The following BLK variants were observed in gnomAD, a reference collection of about 807,000 sequenced individuals.
BLK encodes the protein BLK proto-oncogene, Src family tyrosine kinase.
Under a neutral mutation model 61.8 loss-of-function variants are expected in BLK, and 64 were observed. The observed-to-expected ratio is 1.03, with a 90% CI of 0.85 to 1.27. BLK has a LOEUF of 1.27. Ranked by LOEUF, BLK falls within the 50% of genes most tolerant of loss-of-function variation. BLK has a pLI of 0.00. For synonymous variants in BLK, 351 were observed against 272.0 expected (o/e 1.29, Z -2.86); for missense variants, 853 against 660.5 (o/e 1.29, Z -3.19).
At chr8:11,498,366 G>A (rs1048712753) in intron 1 of BLK, among the ~76,000 whole-genome samples, 1 of 152,184 alleles carries the variant, frequency 6.6e-6, no homozygotes, top group Non-Finnish European at 1.5e-5. Context: ...GTTTCCTGGT[G>A]CTCTGAGCTC....
chr8:11,531,929 G>A (rs947394880), intron 1 of BLK, among the ~76,000 whole-genome samples: 2 of 152,102 alleles, frequency 1.3e-5, no homozygotes, highest in Non-Finnish European at 2.9e-5. Context: ...CACCATCTCG[G>A]CTCACTGCAA....
chr8:11,561,127 G>A (rs1257687243), intron 10 of BLK, 175 bp from the exon 11 acceptor site: 2 of 928,342 alleles, frequency 2.2e-6, no homozygotes. Flanking sequence ...TGCTGTTCTG[G>A]GCTTCTAGGA....
intron 1 of BLK, among the ~76,000 whole-genome samples, chr8:11,517,845 C>G (rs1204691510): frequency 6.6e-6 from 1 of 152,220 alleles, no homozygotes; most frequent in Non-Finnish European, 1.5e-5. Flanking sequence ...ACAGCTTGAA[C>G]CTGAGTCAAG....
At chr8:11,553,393 T>C (rs1170010886) in intron 6 of BLK, 1 of 451,564 alleles carries the variant, frequency 2.2e-6, no homozygotes, top group Non-Finnish European at 4.5e-6. Flanking sequence ...ATCCAGGTTT[T>C]GTGAAACTGA....
At chr8:11,514,736 A>G (rs1399939172) in intron 1 of BLK, among the ~76,000 whole-genome samples, 1 of 152,322 alleles carries the variant, frequency 6.6e-6, no homozygotes, top group Admixed American at 6.5e-5. Context: ...GGGCAACTAC[A>G]GGCTTAGGAG....
intron 1 of BLK, among the ~76,000 whole-genome samples, chr8:11,523,905 C>G (rs1355953152): frequency 6.6e-6 from 1 of 151,334 alleles, no homozygotes; most frequent in Non-Finnish European, 1.5e-5. Flanking sequence ...TCCTTCATCA[C>G]GGTGAGAATG....
intron 11 of BLK, among the ~76,000 whole-genome samples, chr8:11,561,894 C>G (rs1173689179): frequency 6.6e-6 from 1 of 151,802 alleles, no homozygotes; most frequent in Non-Finnish European, 1.5e-5. Context: ...TCTTGGCTCA[C>G]TGCAACCTCC....
At position 11,508,630 on chromosome 8, in the gene BLK, G is replaced by T. The variant is rs79666330; in HGVS notation, c.-2+14039G>T. 9.1e-3 allele frequency among the ~76,000 whole-genome samples: 1,391 copies of T among 152,318 alleles called. 9 individuals are homozygous for T. The highest frequency in any genetic ancestry group is 0.044 in the Middle Eastern group (13 of 294). ...CTCTCCCGCATTCCCTCTGCCTTCG[G>T]GTCTCCTGGAATTGGAACTGTCACT... On this transcript the variant is annotated intron_variant, in intron 1 of 12. Transcript: ENST00000259089.
At chr8:11,528,347 T>G (rs1345471179) in intron 1 of BLK, among the ~76,000 whole-genome samples, 1 of 152,252 alleles carries the variant, frequency 6.6e-6, no homozygotes, top group East Asian at 1.9e-4. Context: ...TCATTCTTGC[T>G]TTTAAGTTAA....
chr8:11,504,412 A>AAAAGAAAAGAAAAGAAAAGAAAGG (rs149656194), intron 1 of BLK, among the ~76,000 whole-genome samples: 1 of 140,870 alleles, frequency 7.1e-6, no homozygotes, highest in African/African-American at 2.8e-5. Context: ...AAAAGAAAAG[A>AAAAGAAAAGAAAAGAAAAGAAAGG]AAAAAAAAAG....
At chr8:11,512,046 G>C (rs1056080962) in intron 1 of BLK, among the ~76,000 whole-genome samples, 2 of 152,184 alleles carry the variant, frequency 1.3e-5, no homozygotes, top group African/African-American at 4.8e-5. Context: ...GTATCAAGTG[G>C]TAAGATGGGG....
chr8:11,497,262 C>A (rs1464051527), intron 1 of BLK, among the ~76,000 whole-genome samples: 1 of 152,166 alleles, frequency 6.6e-6, no homozygotes, highest in Admixed American at 6.5e-5. Context: ...CCTGCAGTGC[C>A]TTTCCTGTCA....
At chr8:11,499,034 G>C (rs1247637967) in intron 1 of BLK, among the ~76,000 whole-genome samples, 2 of 152,212 alleles carry the variant, frequency 1.3e-5, no homozygotes, top group African/African-American at 4.8e-5. Flanking sequence ...AAAAGAGAAA[G>C]TAAATTTAGT....
chr8:11,539,346 C>T (rs1317609768), intron 1 of BLK, among the ~76,000 whole-genome samples: 1 of 152,026 alleles, frequency 6.6e-6, no homozygotes, highest in Non-Finnish European at 1.5e-5. Context: ...AGATCCAGCA[C>T]ATTTTTTTTA....
chr8:11,543,304 A>G lies in BLK; in HGVS notation c.80A>G (p.Lys27Arg), dbSNP rs1315305776. The G allele has an allele frequency of 3.1e-6, 5 of 1,613,624 alleles. No homozygotes were observed. The African/African-American group carries it at 4.0e-5, about 13-fold the overall frequency. The change falls in exon 2 of 13, where the codon AAG (lysine) becomes AGG (arginine). Residue 27 changes from lysine (K) to arginine (R), a missense_variant. Lys to Arg is a conservative substitution (Grantham distance 26). Coordinates refer to ENST00000259089, the MANE Select transcript of BLK (RefSeq NM_001715.3). ...GACAAGGGCCAATGGAGCCCCCTGA[A>G]GGTCAGCGCCCAAGACAAGGACGCC... Reference protein sequence around the residue: ...EKDKGQWSPLKVSAQDKDAPP... With the variant: ...EKDKGQWSPLRVSAQDKDAPP...
chr8:11,516,047 G>A (rs563827170), intron 1 of BLK, among the ~76,000 whole-genome samples: 3 of 152,330 alleles, frequency 2.0e-5, no homozygotes, highest in African/African-American at 4.8e-5. Context: ...TAAGCAGATC[G>A]TGGCCTGTAC....
Position 11,499,044 on chromosome 8 carries a change from T to A in BLK, c.-2+4453T>A, listed in dbSNP as rs148462701. On this transcript the variant is annotated intron_variant, in intron 1 of 12. Coordinates refer to ENST00000259089, the MANE Select transcript of BLK (RefSeq NM_001715.3). ...TTCTCAAAAGAGAAAGTAAATTTAG[T>A]AAGATTGAGAGCCATGAACCTAGAC... 2.1e-3 allele frequency among the ~76,000 whole-genome samples: 327 copies of A among 152,324 alleles called. 1 individual carries two copies. Among genetic ancestry groups the A allele is most frequent in the Non-Finnish European group, 3.6e-3 (246 of 68,014 alleles).
At chr8:11,534,732 C>G (rs1312975140) in intron 1 of BLK, among the ~76,000 whole-genome samples, 2 of 152,196 alleles carry the variant, frequency 1.3e-5, no homozygotes, top group African/African-American at 2.4e-5. Flanking sequence ...ACCTAAAAGT[C>G]ACAGGTTGGC....
intron 5 of BLK, 152 bp downstream of exon 5, chr8:11,549,274 G>C (rs1174305233): frequency 2.7e-6 from 2 of 751,884 alleles, no homozygotes; most frequent in East Asian, 2.7e-5. Context: ...GCTGGGAAAG[G>C]CCTCTCTGCT....
Sources: gnomAD v4.1 joint callset for allele counts (sites outside exome capture counted in the v4.1 genomes callset) on GRCh38, gnomAD v4.1.1 for gene constraint, MANE v1.5 for transcripts, NCBI Gene and HGNC (gene_info 2026-07-23, HGNC 2026-07-21) for gene names.